Variants in DYTN observed in about 807,000 individuals in gnomAD.
DYTN encodes the protein dystrotelin.
DYTN carries 75 observed loss-of-function variants against 69.6 expected under a neutral mutation model. That is an observed-to-expected ratio of 1.08 (90% confidence interval 0.89 to 1.31). The LOEUF (loss-of-function observed/expected upper bound fraction) is 1.31. Among genes scored for constraint, DYTN ranks in the 50% most tolerant of loss-of-function variants. The pLI is 0.00. For missense variants in DYTN, 726 were observed against 688.4 expected (o/e 1.05, Z -0.61); for synonymous variants, 252 against 249.1 (o/e 1.01, Z -0.11).
intron 9 of DYTN, chr2:206,670,606 A>G (rs922995815): frequency 3.7e-4 from 56 of 152,188 alleles, no homozygotes; most frequent in African/African-American, 1.4e-3. Flanking sequence ...GTTTGAATTT[A>G]ATCCACATCC....
intron 1 of DYTN, among the ~76,000 whole-genome samples, chr2:206,716,113 A>G (rs1250908932): frequency 5.3e-5 from 8 of 152,160 alleles, no homozygotes; most frequent in African/African-American, 1.9e-4. Flanking sequence ...AACAAAAAAC[A>G]AAAGAAAAAG....
At chr2:206,687,696 A>G (rs1185495102) in intron 9 of DYTN, among the ~76,000 whole-genome samples, 1 of 152,148 alleles carries the variant, frequency 6.6e-6, no homozygotes, top group Admixed American at 6.5e-5. Context: ...GGGGCAAAAT[A>G]AGGGCCAATT....
intron 9 of DYTN, among the ~76,000 whole-genome samples, chr2:206,674,697 G>A (rs1699664223): frequency 6.6e-6 from 1 of 151,816 alleles, no homozygotes; most frequent in African/African-American, 2.4e-5. Context: ...GACGTTTAAA[G>A]AATAATCTAC....
At chr2:206,679,874 C>A (rs766257831) in intron 9 of DYTN, among the ~76,000 whole-genome samples, 1 of 152,270 alleles carries the variant, frequency 6.6e-6, no homozygotes, top group East Asian at 1.9e-4. Flanking sequence ...ATGACAAACT[C>A]GATTCCTACC....
At chr2:206,689,413 C>T (rs763871085) in intron 9 of DYTN, among the ~76,000 whole-genome samples, 3 of 152,104 alleles carry the variant, frequency 2.0e-5, no homozygotes, top group Non-Finnish European at 2.9e-5. Context: ...TTCTTTTCTC[C>T]TAGATGAGCC....
intron 9 of DYTN, among the ~76,000 whole-genome samples, chr2:206,680,049 CTG>C (rs1166310277): frequency 6.6e-6 from 1 of 152,192 alleles, no homozygotes; most frequent in African/African-American, 2.4e-5. Context: ...CGGTCATACA[CTG>C]TGTTAGTCAA....
intron 9 of DYTN, among the ~76,000 whole-genome samples, chr2:206,668,434 C>T (rs1699597113): frequency 6.6e-6 from 1 of 152,160 alleles, no homozygotes; most frequent in East Asian, 1.9e-4. Context: ...CACCTGGTGC[C>T]AATATTGCCA....
At chr2:206,666,805 C>T (rs1363047102) in intron 9 of DYTN, among the ~76,000 whole-genome samples, 4 of 144,684 alleles carry the variant, frequency 2.8e-5, no homozygotes, top group Non-Finnish European at 4.5e-5. Flanking sequence ...GTTGGGGTAT[C>T]CCTTGAGGCC....
chr2:206,707,657 T>A (rs1273052394), intron 2 of DYTN, among the ~76,000 whole-genome samples, 154 bp from the exon 3 acceptor site: 6 of 152,232 alleles, frequency 3.9e-5, no homozygotes, highest in Admixed American at 3.9e-4. Context: ...TTTGGACATA[T>A]ATTCCTTGTG....
intron 9 of DYTN, among the ~76,000 whole-genome samples, chr2:206,673,349 C>G (rs1308037968): frequency 2.0e-5 from 3 of 152,180 alleles, no homozygotes. Flanking sequence ...CCTCCTCCTT[C>G]TGGGTTCAAG....
At chr2:206,662,212 G>T (rs1259538918) in intron 11 of DYTN, among the ~76,000 whole-genome samples, 1 of 152,184 alleles carries the variant, frequency 6.6e-6, no homozygotes, top group Non-Finnish European at 1.5e-5. Flanking sequence ...CACATTTAAG[G>T]TAGGTCGGTT....
At chr2:206,710,385 G>T in intron 2 of DYTN, 139 bp downstream of exon 2, 3 of 735,392 alleles carry the variant, frequency 4.1e-6, no homozygotes, top group South Asian at 2.1e-5. Context: ...TCTCTGTCAC[G>T]AATGGGCTAA....
chr2:206,707,617 T>G (rs16838641), intron 2 of DYTN, 114 bp from the exon 3 acceptor site: 322,923 of 1,017,856 alleles, frequency 0.32, 52,501 homozygotes, highest in East Asian at 0.48. Context: ...GTCGCTATTT[T>G]CTTTTAAGGG....
intron 8 of DYTN, among the ~76,000 whole-genome samples, chr2:206,693,750 T>C (rs1487642101): frequency 6.6e-6 from 1 of 152,252 alleles, no homozygotes; most frequent in African/African-American, 2.4e-5. Context: ...GAAATCCATT[T>C]ATTTCACCCC....
At chr2:206,717,656 A>T (rs972880908) in intron 1 of DYTN, among the ~76,000 whole-genome samples, 4 of 152,254 alleles carry the variant, frequency 2.6e-5, no homozygotes, top group African/African-American at 9.6e-5. Flanking sequence ...TAGATAAACA[A>T]CTAGGGATCA....
intron 9 of DYTN, 128 bp from the exon 10 acceptor site, chr2:206,666,157 G>GT (rs1239505473): frequency 9.2e-5 from 118 of 1,279,854 alleles, no homozygotes; most frequent in Admixed American, 1.3e-4. Flanking sequence ...TCTCAACTGT[G>GT]TTTTTTGTTG....
At chr2:206,700,053 G>A in intron 6 of DYTN, 92 bp downstream of exon 6, 1 of 1,567,172 alleles carries the variant, frequency 6.4e-7, no homozygotes. Context: ...GCTATGTGGA[G>A]TAATAATAGG....
intron 7 of DYTN, among the ~76,000 whole-genome samples, chr2:206,696,654 A>G (rs111748535): frequency 4.6e-5 from 7 of 152,292 alleles, no homozygotes; most frequent in African/African-American, 1.7e-4. Flanking sequence ...AAGTTACACA[A>G]CTACTTAGTA....
At position 206,709,880 on chromosome 2, in the gene DYTN, T is replaced by C. The variant is rs146265840; in HGVS notation, c.94+644A>G. Among the ~76,000 whole-genome samples, 319 of 152,180 alleles carry C rather than the reference T, an allele frequency of 2.1e-3. 1 individual carries two copies. The highest frequency in any genetic ancestry group is 7.3e-3 in the African/African-American group (305 of 41,504). On this transcript the variant is annotated intron_variant, in intron 2 of 11. Coordinates refer to ENST00000452335, the MANE Select transcript of DYTN (RefSeq NM_001093730.1). ...CCAGTTTATTTTTCACCTTGGAAAATTTTCACAGGATACATGTTTTAGTAA... is the reference window on the plus strand; with the variant it reads ...CCAGTTTATTTTTCACCTTGGAAAACTTTCACAGGATACATGTTTTAGTAA...
Sources: gnomAD v4.1 joint callset for allele counts (sites outside exome capture counted in the v4.1 genomes callset) on GRCh38, gnomAD v4.1.1 for gene constraint, MANE v1.5 for transcripts, NCBI Gene and HGNC (gene_info 2026-07-23, HGNC 2026-07-21) for gene names.